TNFSF4: variants seen among roughly 807,000 people sequenced by gnomAD.
The protein encoded by TNFSF4 is tumor necrosis factor ligand superfamily member 4.
Under a neutral mutation model 7.3 loss-of-function variants are expected in TNFSF4, and 4 were observed. That is an observed-to-expected ratio of 0.55 (90% CI 0.27 to 1.25). The LOEUF (loss-of-function observed/expected upper bound fraction) is 1.25, where lower values mean the gene tolerates loss of function less well. Ranked by LOEUF, TNFSF4 falls within the 50% of genes most tolerant of loss-of-function variation. The pLI is 0.12. For synonymous variants in TNFSF4, 76 were observed against 83.7 expected (o/e 0.91, Z 0.50); for missense variants, 181 against 208.8 (o/e 0.87, Z 0.82).
chr1:173,215,759 C>A, the TNFSF4 span, among the ~76,000 whole-genome samples: 1 of 152,076 alleles, frequency 6.6e-6, no homozygotes, highest in Non-Finnish European at 1.5e-5. Context: ...GACACTGAAC[C>A]CCAGTAAGCT....
chr1:173,336,648 A>G, the TNFSF4 span, among the ~76,000 whole-genome samples: 1 of 152,166 alleles, frequency 6.6e-6, no homozygotes, highest in Non-Finnish European at 1.5e-5. Context: ...CTTCCACAGG[A>G]TATCACATTC....
chr1:173,301,622 C>A, the TNFSF4 span, among the ~76,000 whole-genome samples: 87 of 151,842 alleles, frequency 5.7e-4, no homozygotes, highest in Non-Finnish European at 1.1e-3. Context: ...CTGTTGAACA[C>A]CATAGGTCAT....
At chr1:173,351,902 A>G in the TNFSF4 span, 2 of 575,098 alleles carry the variant, frequency 3.5e-6, no homozygotes, top group East Asian at 7.0e-5. Flanking sequence ...CTAGGCTAAA[A>G]CTGGACAAAG....
the TNFSF4 span, among the ~76,000 whole-genome samples, chr1:173,441,004 A>G: frequency 6.6e-6 from 1 of 152,236 alleles, no homozygotes; most frequent in African/African-American, 2.4e-5. Context: ...AAAAATAGAC[A>G]ATAAAGATGG....
At chr1:173,327,212 G>A in the TNFSF4 span, among the ~76,000 whole-genome samples, 19 of 152,018 alleles carry the variant, frequency 1.2e-4, no homozygotes, top group East Asian at 5.8e-4. Flanking sequence ...AAATAACGCC[G>A]CATATCTACA....
the TNFSF4 span, among the ~76,000 whole-genome samples, chr1:173,288,107 T>A: frequency 1.3e-5 from 2 of 152,320 alleles, no homozygotes; most frequent in East Asian, 3.9e-4. Context: ...TAAAGAGAAG[T>A]TAACAACTTC....
chr1:173,300,973 G>A, the TNFSF4 span, among the ~76,000 whole-genome samples: 1 of 151,864 alleles, frequency 6.6e-6, no homozygotes, highest in South Asian at 2.1e-4. Context: ...TAATTTACGT[G>A]AACGAATGAT....
At chr1:173,414,274 T>C in the TNFSF4 span, among the ~76,000 whole-genome samples, 1 of 152,148 alleles carries the variant, frequency 6.6e-6, no homozygotes, top group African/African-American at 2.4e-5. Flanking sequence ...ACCTTCTCAC[T>C]GTGTCTTTGC....
the TNFSF4 span, among the ~76,000 whole-genome samples, chr1:173,273,345 T>C: frequency 6.6e-6 from 1 of 152,178 alleles, no homozygotes; most frequent in African/African-American, 2.4e-5. Context: ...TTCAAACTGA[T>C]GTCTTATTCT....
At chr1:173,337,907 C>G in the TNFSF4 span, among the ~76,000 whole-genome samples, 6 of 152,142 alleles carry the variant, frequency 3.9e-5, no homozygotes, top group Non-Finnish European at 7.3e-5. Flanking sequence ...CAAATGATCT[C>G]AGAGAGGAGG....
the TNFSF4 span, among the ~76,000 whole-genome samples, chr1:173,250,015 TTAAAA>T: frequency 6.6e-6 from 1 of 152,044 alleles, no homozygotes; most frequent in Non-Finnish European, 1.5e-5. Context: ...ACCTCTGAAC[TTAAAA>T]TAAAAAAAAA....
chr1:173,422,018 A>G, the TNFSF4 span, among the ~76,000 whole-genome samples: 2 of 152,174 alleles, frequency 1.3e-5, no homozygotes, highest in Non-Finnish European at 2.9e-5. Flanking sequence ...TAGGAAAATA[A>G]AGCCATGTTA....
At chr1:173,275,152 C>T in the TNFSF4 span, among the ~76,000 whole-genome samples, 4 of 152,202 alleles carry the variant, frequency 2.6e-5, no homozygotes, top group South Asian at 4.1e-4. Flanking sequence ...GCACAAGCTC[C>T]GTGTTCTCTA....
the TNFSF4 span, among the ~76,000 whole-genome samples, chr1:173,392,756 CAG>C: frequency 6.6e-6 from 1 of 152,026 alleles, no homozygotes; most frequent in Non-Finnish European, 1.5e-5. Flanking sequence ...GGATAGAAAA[CAG>C]ATTAGCAAAG....
intron 1 of TNFSF4, among the ~76,000 whole-genome samples, chr1:173,190,754 G>A (rs535610338): frequency 1.3e-5 from 2 of 152,342 alleles, no homozygotes; most frequent in African/African-American, 4.8e-5. Context: ...AGCATGAATT[G>A]CCACGTGCTA....
the TNFSF4 span, among the ~76,000 whole-genome samples, chr1:173,290,726 T>C: frequency 0.023 from 3,512 of 151,968 alleles, 135 homozygotes; most frequent in African/African-American, 0.08. Context: ...ACCTGACCAA[T>C]TGGACCTAAT....
chr1:173,205,494 T>C lies in TNFSF4; in HGVS notation c.153+1530A>G, dbSNP rs558377729. ...TGTACAACTGTGGTTCACCTTTTGCTCTCTCCTGCTCAGAGCCGTTGTGCA... is the reference window on the plus strand; with the variant it reads ...TGTACAACTGTGGTTCACCTTTTGCCCTCTCCTGCTCAGAGCCGTTGTGCA... On this transcript the variant is annotated intron_variant, in intron 1 of 2. Transcript: ENST00000281834. 7 of 1,450,030 alleles carry C rather than the reference T, an allele frequency of 4.8e-6. No homozygotes were observed. The African/African-American group carries it at 8.5e-5, about 18-fold the overall frequency. 89.8% of individuals were successfully genotyped at this position (1,450,030 alleles called of 1,614,324 possible). A position where few individuals can be genotyped will look rare whatever the true frequency, so the allele number is the denominator to read the frequency against.
the TNFSF4 span, among the ~76,000 whole-genome samples, chr1:173,250,111 G>A: frequency 6.6e-6 from 1 of 152,194 alleles, no homozygotes; most frequent in East Asian, 1.9e-4. Context: ...GTTCGTCAGT[G>A]CACCTGAGAA....
At chr1:173,316,859 T>C in the TNFSF4 span, among the ~76,000 whole-genome samples, 6 of 152,176 alleles carry the variant, frequency 3.9e-5, no homozygotes, top group Non-Finnish European at 5.9e-5. Flanking sequence ...TCATGGAGAT[T>C]TTCTCCCATG....
Sources: allele counts gnomAD v4.1 joint callset (sites outside exome capture counted in the v4.1 genomes callset), GRCh38; gene constraint gnomAD v4.1.1; transcripts MANE v1.5; gene names NCBI Gene and HGNC (gene_info 2026-07-23, HGNC 2026-07-21).